The following LRRC4C variants were observed in gnomAD, a reference collection of about 807,000 sequenced individuals.
LRRC4C encodes leucine-rich repeat-containing protein 4C.
Under a neutral mutation model 33.6 loss-of-function variants are expected in LRRC4C, and 5 were observed. The ratio of observed to expected loss-of-function variants is 0.15; its 90% CI spans 0.08 to 0.31. The LOEUF (loss-of-function observed/expected upper bound fraction) is 0.31, where lower values mean the gene tolerates loss of function less well. Among genes scored for constraint, LRRC4C ranks in the 10% least tolerant of loss-of-function variants. LRRC4C has a pLI of 1.00. For missense variants in LRRC4C, 560 were observed against 796.7 expected, an observed-to-expected ratio of 0.70 and a Z score of 3.58; for synonymous variants, 329 against 302.0, an observed-to-expected ratio of 1.09 and a Z score of -0.93.
At chr11:40,200,481 C>T (rs1590691260) in intron 5 of LRRC4C, among the ~76,000 whole-genome samples, 1 of 151,990 alleles carries the variant, frequency 6.6e-6, no homozygotes, top group East Asian at 1.9e-4. Context: ...CTCTGACTTT[C>T]CCCAACCTTT....
chr11:40,452,543 G>A (rs1398611457), intron 3 of LRRC4C, among the ~76,000 whole-genome samples: 2 of 152,194 alleles, frequency 1.3e-5, no homozygotes, highest in African/African-American at 4.8e-5. Flanking sequence ...AGGTGCTGGA[G>A]AGGATGTGGA....
intron 2 of LRRC4C, among the ~76,000 whole-genome samples, chr11:40,651,403 A>G (rs949457764): frequency 1.3e-5 from 2 of 152,154 alleles, no homozygotes; most frequent in African/African-American, 2.4e-5. Flanking sequence ...GTCCTGAATT[A>G]CATGGGAGAA....
intron 2 of LRRC4C, among the ~76,000 whole-genome samples, chr11:40,894,195 T>C (rs1955842007): frequency 6.6e-6 from 1 of 152,166 alleles, no homozygotes; most frequent in South Asian, 2.1e-4. Context: ...TTATAGACTT[T>C]TAGTCCAAAG....
At chr11:40,629,465 C>T (rs1471631482) in intron 3 of LRRC4C, among the ~76,000 whole-genome samples, 1 of 152,092 alleles carries the variant, frequency 6.6e-6, no homozygotes, top group Non-Finnish European at 1.5e-5. Flanking sequence ...TAATTTTAAG[C>T]GTTTGTTTCC....
At chr11:41,016,894 A>G (rs964429253) in intron 1 of LRRC4C, among the ~76,000 whole-genome samples, 1 of 152,242 alleles carries the variant, frequency 6.6e-6, no homozygotes, top group African/African-American at 2.4e-5. Flanking sequence ...TTAATTAAAC[A>G]TACCAATAAA....
At chr11:40,339,011 G>C (rs1946752173) in intron 3 of LRRC4C, among the ~76,000 whole-genome samples, 1 of 152,214 alleles carries the variant, frequency 6.6e-6, no homozygotes, top group Non-Finnish European at 1.5e-5. Context: ...TGAGTAACCA[G>C]TTACAAAGGA....
At position 40,223,453 on chromosome 11, in the gene LRRC4C, T is replaced by G. The variant is rs191760447; in HGVS notation, c.-96+18066A>C. Among the ~76,000 whole-genome samples, 339 of 152,256 alleles carry G rather than the reference T, an allele frequency of 2.2e-3. 3 individuals carry two copies. Among genetic ancestry groups the G allele is most frequent in the African/African-American group, 7.8e-3 (326 of 41,544 alleles). On this transcript the variant is annotated intron_variant, in intron 5 of 6. Transcript: ENST00000528697. ...TCTATGTCATGATCCTCACTTTCAT[T>G]GCTAAATAATGAGCATCCAGGAGCA...
At chr11:40,451,216 A>G (rs1951867144) in intron 3 of LRRC4C, among the ~76,000 whole-genome samples, 1 of 151,790 alleles carries the variant, frequency 6.6e-6, no homozygotes, top group Non-Finnish European at 1.5e-5. Flanking sequence ...AATAGAAAAA[A>G]ATTAGTGCAT....
At chr11:40,568,203 T>A (rs1339252217) in intron 3 of LRRC4C, among the ~76,000 whole-genome samples, 3 of 152,172 alleles carry the variant, frequency 2.0e-5, no homozygotes, top group Non-Finnish European at 4.4e-5. Flanking sequence ...TCTCTGACTC[T>A]GGGGGAAGCA....
intron 4 of LRRC4C, among the ~76,000 whole-genome samples, chr11:40,270,522 A>T (rs1313402553): frequency 6.6e-6 from 1 of 152,064 alleles, no homozygotes; most frequent in Non-Finnish European, 1.5e-5. Flanking sequence ...GTTTGGAAGC[A>T]TTGGGTGATC....
intron 3 of LRRC4C, among the ~76,000 whole-genome samples, chr11:40,379,250 T>A (rs2137326769): frequency 6.6e-6 from 1 of 152,060 alleles, no homozygotes; most frequent in Non-Finnish European, 1.5e-5. Flanking sequence ...TTTTATCAAT[T>A]TAAATAAAAC....
At chr11:41,079,988 TATC>T (rs984318620) in intron 1 of LRRC4C, among the ~76,000 whole-genome samples, 2 of 152,208 alleles carry the variant, frequency 1.3e-5, no homozygotes, top group African/African-American at 4.8e-5. Flanking sequence ...TTAACCTGTT[TATC>T]ATCATCATCA....
rs529490019 is a variant in LRRC4C, at chr11:40,819,691, C to G, written c.-407+113944G>C. On this transcript the variant is annotated intron_variant, in intron 2 of 6. Transcript: ENST00000528697. ...ATAAACACAGGAGATGCAAAAGGGT[C>G]CAGCAGAAAATAAATGCCAGGGAAG... Among the ~76,000 whole-genome samples, 17 of 151,186 alleles carry G rather than the reference C, an allele frequency of 1.1e-4. No individual in the cohort carries two copies. The South Asian group carries it at 3.3e-3, about 30-fold the overall frequency.
At chr11:41,073,374 G>T (rs527486297) in intron 1 of LRRC4C, among the ~76,000 whole-genome samples, 1 of 152,208 alleles carries the variant, frequency 6.6e-6, no homozygotes, top group East Asian at 1.9e-4. Context: ...AATAGAGCAA[G>T]AGCTCCTTTC....
intron 1 of LRRC4C, among the ~76,000 whole-genome samples, chr11:41,311,284 G>A (rs1226063788): frequency 1.3e-5 from 2 of 152,128 alleles, no homozygotes; most frequent in African/African-American, 2.4e-5. Flanking sequence ...CAGTGCTGAT[G>A]AGTCTTGCTC....
At chr11:41,118,315 A>T (rs1942245288) in intron 1 of LRRC4C, among the ~76,000 whole-genome samples, 1 of 152,140 alleles carries the variant, frequency 6.6e-6, no homozygotes. Context: ...CAGCTTTCAC[A>T]GCCCCCAAAA....
chr11:40,912,157 C>A (rs2136279968), intron 2 of LRRC4C, among the ~76,000 whole-genome samples: 1 of 152,296 alleles, frequency 6.6e-6, no homozygotes, highest in African/African-American at 2.4e-5. Context: ...CCCAATCTAG[C>A]AAGGCAGGCC....
intron 3 of LRRC4C, among the ~76,000 whole-genome samples, chr11:40,329,511 T>C (rs1329100122): frequency 6.6e-6 from 1 of 152,018 alleles, no homozygotes; most frequent in Non-Finnish European, 1.5e-5. Context: ...TCTGGAAAAG[T>C]GTGATTCAAA....
At chr11:41,225,244 A>AC (rs1048047430) in intron 1 of LRRC4C, among the ~76,000 whole-genome samples, 4 of 152,140 alleles carry the variant, frequency 2.6e-5, no homozygotes. Flanking sequence ...CAACAGGGTG[A>AC]CTATAGTCCA....
Sources: gnomAD v4.1 joint callset for allele counts (sites outside exome capture counted in the v4.1 genomes callset) on GRCh38, gnomAD v4.1.1 for gene constraint, MANE v1.5 for transcripts, NCBI Gene and HGNC (gene_info 2026-07-23, HGNC 2026-07-21) for gene names.